Variants in TNFSF13B observed in about 807,000 individuals in gnomAD.
TNFSF13B encodes TNF superfamily member 13b.
In TNFSF13B, 8 loss-of-function variants were observed where a neutral mutation model predicts 29.1. The ratio of observed to expected loss-of-function variants is 0.27; its 90% CI spans 0.16 to 0.50. The LOEUF (loss-of-function observed/expected upper bound fraction) is 0.50, where lower values mean the gene tolerates loss of function less well. TNFSF13B is among the 20% of genes least tolerant of loss of function. The pLI, the probability that TNFSF13B is intolerant of heterozygous loss-of-function variation, is 0.98. For synonymous variants in TNFSF13B, 125 were observed against 130.8 expected (o/e 0.96, Z 0.30); for missense variants, 248 against 334.9 (o/e 0.74, Z 2.03).
chr13:108,299,737 C>T (rs1320143649), intron 3 of TNFSF13B, among the ~76,000 whole-genome samples: 5 of 152,078 alleles, frequency 3.3e-5, no homozygotes, highest in Non-Finnish European at 7.4e-5. Flanking sequence ...TCTTTACCTC[C>T]TGTTTGCAGA....
intron 2 of TNFSF13B, among the ~76,000 whole-genome samples, chr13:108,284,622 G>T (rs1208341251): frequency 2.0e-5 from 3 of 152,124 alleles, no homozygotes; most frequent in Admixed American, 2.0e-4. Context: ...CCCATGCATT[G>T]TGTCATTTAC....
At chr13:108,289,657 A>G (rs1881250417) in intron 3 of TNFSF13B, among the ~76,000 whole-genome samples, 2 of 148,646 alleles carry the variant, frequency 1.3e-5, no homozygotes, top group South Asian at 2.1e-4. Flanking sequence ...TATTATTAGC[A>G]TATTGTATAT....
At chr13:108,303,753 T>A in intron 5 of TNFSF13B, 149 bp downstream of exon 5, 1 of 809,958 alleles carries the variant, frequency 1.2e-6, no homozygotes, top group Non-Finnish European at 1.9e-6. Context: ...TTTTTAAATC[T>A]TGAATAATAA....
chr13:108,281,179 T>G (rs1021962215), intron 2 of TNFSF13B, among the ~76,000 whole-genome samples: 1 of 152,082 alleles, frequency 6.6e-6, no homozygotes, highest in Non-Finnish European at 1.5e-5. Context: ...AGGCCGAGTT[T>G]GCAATGAGCC....
intron 3 of TNFSF13B, among the ~76,000 whole-genome samples, chr13:108,299,965 A>G (rs748993713): frequency 3.9e-5 from 6 of 152,196 alleles, no homozygotes; most frequent in Non-Finnish European, 5.9e-5. Context: ...CACCAGTGAC[A>G]TTTACTAAGA....
In TNFSF13B at chr13:108,269,991, A is replaced by C; in HGVS notation, c.96A>C (p.Pro32=). 1 of 1,613,554 alleles carries C rather than the reference A, an allele frequency of 6.2e-7. No homozygotes were observed. Among genetic ancestry groups the C allele is most frequent in the African/African-American group, 1.3e-5 (1 of 75,052 alleles). ...MKLKECVSIL[P]RKESPSVRSS... ...TGAAGGAGTGTGTTTCCATCCTCCC[A>C]CGGAAGGAAAGCCCCTCTGTCCGAT... is the stretch of plus-strand genomic sequence containing the variant. The change falls in exon 1 of 6, where the codon CCA becomes CCC. Residue 32 remains proline (P), a synonymous_variant. Coordinates refer to ENST00000375887, the MANE Select transcript of TNFSF13B (RefSeq NM_006573.5).
chr13:108,292,541 C>T (rs1881348505), intron 3 of TNFSF13B, among the ~76,000 whole-genome samples: 2 of 152,014 alleles, frequency 1.3e-5, no homozygotes, highest in South Asian at 4.1e-4. Flanking sequence ...ATTTTGCCTT[C>T]CCCCCAGCAA....
chr13:108,297,086 TTTTTG>T (rs1881475975), intron 3 of TNFSF13B, among the ~76,000 whole-genome samples: 1 of 145,680 alleles, frequency 6.9e-6, no homozygotes, highest in South Asian at 2.1e-4. Flanking sequence ...CACTTAGTGC[TTTTTG>T]TTTTATTTCT....
intron 3 of TNFSF13B, among the ~76,000 whole-genome samples, chr13:108,300,029 A>G (rs1881569486): frequency 6.6e-6 from 1 of 152,192 alleles, no homozygotes; most frequent in African/African-American, 2.4e-5. Context: ...CTAACAAATC[A>G]ATCTAAATTA....
intron 2 of TNFSF13B, among the ~76,000 whole-genome samples, chr13:108,282,962 TATG>T (rs1881000654): frequency 6.6e-6 from 1 of 152,228 alleles, no homozygotes; most frequent in African/African-American, 2.4e-5. Flanking sequence ...AATCAATTAA[TATG>T]ATAATTACTA....
At chr13:108,289,901 G>T (rs1025274188) in intron 3 of TNFSF13B, among the ~76,000 whole-genome samples, 43 of 151,672 alleles carry the variant, frequency 2.8e-4, no homozygotes, top group Non-Finnish European at 2.9e-5. Flanking sequence ...CTGTTCATTT[G>T]TTTTTTTGAA....
chr13:108,301,787 G>T (rs1452983806), intron 3 of TNFSF13B, among the ~76,000 whole-genome samples: 1 of 152,106 alleles, frequency 6.6e-6, no homozygotes, highest in Non-Finnish European at 1.5e-5. Flanking sequence ...AGTAGATATT[G>T]TGTTCTCACC....
At chr13:108,302,702 G>A in intron 3 of TNFSF13B, 1 of 432,342 alleles carries the variant, frequency 2.3e-6, no homozygotes, top group Non-Finnish European at 3.1e-6. Context: ...AAATATCATA[G>A]ATGGTTGTTA....
At chr13:108,285,230 TTTC>T (rs1243184239) in intron 2 of TNFSF13B, among the ~76,000 whole-genome samples, 6 of 152,118 alleles carry the variant, frequency 3.9e-5, no homozygotes, top group Non-Finnish European at 8.8e-5. Flanking sequence ...CTTAACAGAT[TTTC>T]TTATGTGACC....
intron 2 of TNFSF13B, among the ~76,000 whole-genome samples, chr13:108,274,990 T>C (rs2139041930): frequency 6.6e-6 from 1 of 152,268 alleles, no homozygotes; most frequent in African/African-American, 2.4e-5. Flanking sequence ...TGGCTTTAGT[T>C]TTGTTTTTCT....
intron 2 of TNFSF13B, among the ~76,000 whole-genome samples, chr13:108,283,100 T>C (rs1032982056): frequency 6.6e-6 from 1 of 152,250 alleles, no homozygotes; most frequent in Non-Finnish European, 1.5e-5. Context: ...GGCAAATCTC[T>C]AGCTGAGCAC....
chr13:108,295,017 G>T (rs1368028159), intron 3 of TNFSF13B, among the ~76,000 whole-genome samples: 1 of 144,936 alleles, frequency 6.9e-6, no homozygotes, highest in Non-Finnish European at 1.5e-5. Flanking sequence ...TAATAAAAAG[G>T]TATAGACATT....
At chr13:108,290,052 C>T (rs1359477541) in intron 3 of TNFSF13B, among the ~76,000 whole-genome samples, 1 of 152,142 alleles carries the variant, frequency 6.6e-6, no homozygotes, top group Non-Finnish European at 1.5e-5. Context: ...ACTTCAGACT[C>T]CCTCTATGTT....
At chr13:108,295,104 G>A (rs1346141177) in intron 3 of TNFSF13B, among the ~76,000 whole-genome samples, 1 of 144,480 alleles carries the variant, frequency 6.9e-6, no homozygotes, top group African/African-American at 2.6e-5. Flanking sequence ...CTCTTTTATT[G>A]GTCAATGTAG....
Sources: gnomAD v4.1 joint callset for allele counts (sites outside exome capture counted in the v4.1 genomes callset) on GRCh38, gnomAD v4.1.1 for gene constraint, MANE v1.5 for transcripts, NCBI Gene and HGNC (gene_info 2026-07-23, HGNC 2026-07-21) for gene names.